The following NUBPL variants were observed in gnomAD, a reference collection of about 807,000 sequenced individuals.
NUBPL encodes NUBP iron-sulfur cluster assembly factor, mitochondrial, also known as iron-sulfur cluster transfer protein NUBPL.
A neutral mutation model predicts 45.7 loss-of-function variants in NUBPL; 31 were observed. The ratio of observed to expected loss-of-function variants is 0.68; its 90% confidence interval spans 0.51 to 0.92. The LOEUF is 0.92. Among genes scored for constraint, NUBPL ranks in the 40% least tolerant of loss-of-function variants. The pLI is 0.00. For synonymous variants in NUBPL, 144 were observed against 140.9 expected, an observed-to-expected ratio of 1.02 and a Z score of -0.15; for missense variants, 401 against 398.7, an observed-to-expected ratio of 1.01 and a Z score of -0.05.
At chr14:31,613,094 A>G (rs769185814) in intron 4 of NUBPL, among the ~76,000 whole-genome samples, 1 of 152,218 alleles carries the variant, frequency 6.6e-6, no homozygotes, top group Non-Finnish European at 1.5e-5. Context: ...CGTATACACA[A>G]TGGGTACTAG....
At chr14:31,708,949 C>G (rs2139917695) in intron 6 of NUBPL, among the ~76,000 whole-genome samples, 1 of 152,210 alleles carries the variant, frequency 6.6e-6, no homozygotes, top group South Asian at 2.1e-4. Flanking sequence ...ACTGATAAGC[C>G]CTACCGGGTG....
chr14:31,645,703 T>G (rs2035828701), intron 4 of NUBPL, among the ~76,000 whole-genome samples: 1 of 151,760 alleles, frequency 6.6e-6, no homozygotes, highest in African/African-American at 2.4e-5. Context: ...AGTGAGAGAT[T>G]ACAACCTGGG....
chr14:31,725,557 A>G (rs10132839), intron 6 of NUBPL, among the ~76,000 whole-genome samples: 12,714 of 152,180 alleles, frequency 0.084, 620 homozygotes, highest in African/African-American at 0.14. Context: ...CCTGAAGGCA[A>G]TTTTATACAT....
At chr14:31,713,384 AT>A (rs901487772) in intron 6 of NUBPL, among the ~76,000 whole-genome samples, 5 of 147,390 alleles carry the variant, frequency 3.4e-5, no homozygotes, top group Admixed American at 6.6e-5. Flanking sequence ...TGTACCTTTC[AT>A]TTTTTTCCTA....
chr14:31,686,976 T>C lies in NUBPL; in HGVS notation c.513+13402T>C, dbSNP rs115839606. Among the ~76,000 whole-genome samples, 1,438 of 152,308 alleles carry C rather than the reference T, an allele frequency of 9.4e-3. 26 individuals carry two copies. Among genetic ancestry groups the C allele is most frequent in the African/African-American group, 0.032 (1,348 of 41,556 alleles). ...ACAAAAAATAAAAAACAGCTGGGCA[T>C]GGTTGCATGTACCAGTAGTCTTGCT... is the stretch of plus-strand genomic sequence containing the variant. On this transcript the variant is annotated intron_variant, in intron 6 of 10. Coordinates refer to ENST00000281081, the MANE Select transcript of NUBPL (RefSeq NM_025152.3).
At chr14:31,828,056 C>T (rs201048503) in intron 8 of NUBPL, among the ~76,000 whole-genome samples, 131 of 152,286 alleles carry the variant, frequency 8.6e-4, no homozygotes, top group African/African-American at 3.0e-3. Flanking sequence ...GTATGCTTAC[C>T]TTCCAGGTGG....
intron 3 of NUBPL, among the ~76,000 whole-genome samples, chr14:31,573,333 G>A (rs917897460): frequency 3.3e-5 from 5 of 152,114 alleles, no homozygotes; most frequent in African/African-American, 1.2e-4. Flanking sequence ...TCTACCTAGT[G>A]ATCTCAGCTT....
intron 6 of NUBPL, among the ~76,000 whole-genome samples, chr14:31,752,960 C>A (rs1209694891): frequency 6.6e-6 from 1 of 152,104 alleles, no homozygotes; most frequent in Non-Finnish European, 1.5e-5. Flanking sequence ...ACTTTTTAAC[C>A]ATCAGATCTC....
chr14:31,822,878 A>T (rs1344898426), intron 7 of NUBPL, among the ~76,000 whole-genome samples: 1 of 152,166 alleles, frequency 6.6e-6, no homozygotes, highest in Non-Finnish European at 1.5e-5. Flanking sequence ...AATGGCATAG[A>T]TGCTTATTTG....
intron 6 of NUBPL, among the ~76,000 whole-genome samples, chr14:31,690,382 G>A (rs899554633): frequency 5.3e-5 from 8 of 152,294 alleles, no homozygotes; most frequent in African/African-American, 1.9e-4. Context: ...TACCAATAAG[G>A]TACTGCCTTT....
intron 6 of NUBPL, among the ~76,000 whole-genome samples, chr14:31,723,106 A>G (rs2037847854): frequency 6.6e-6 from 1 of 152,020 alleles, no homozygotes; most frequent in Non-Finnish European, 1.5e-5. Context: ...ATCCATCTTG[A>G]ACTGATTTTT....
intron 4 of NUBPL, among the ~76,000 whole-genome samples, chr14:31,602,013 G>T (rs1302048765): frequency 1.3e-5 from 2 of 152,186 alleles, no homozygotes; most frequent in African/African-American, 4.8e-5. Context: ...TGATAGACTG[G>T]ATTAAGAAAA....
chr14:31,692,955 T>C (rs1032679768), intron 6 of NUBPL, among the ~76,000 whole-genome samples: 15 of 152,210 alleles, frequency 9.9e-5, no homozygotes, highest in African/African-American at 3.1e-4. Context: ...CTTTTTTTTT[T>C]CCCTGCTTAA....
At chr14:31,599,242 G>C in intron 3 of NUBPL, 47 bp from the exon 4 acceptor site, 1 of 1,367,496 alleles carries the variant, frequency 7.3e-7, no homozygotes, top group Non-Finnish European at 1.0e-6. Context: ...CAATCTTATG[G>C]TAAAGTGTTT....
intron 7 of NUBPL, among the ~76,000 whole-genome samples, chr14:31,826,043 A>T (rs1031328898): frequency 3.3e-5 from 5 of 152,046 alleles, no homozygotes; most frequent in Admixed American, 6.6e-5. Context: ...TAACTAGCAC[A>T]TTATCTGAAT....
intron 3 of NUBPL, among the ~76,000 whole-genome samples, chr14:31,595,906 T>G (rs1479884960): frequency 1.9e-5 from 1 of 52,002 alleles, no homozygotes; most frequent in Non-Finnish European, 5.1e-5. Flanking sequence ...TGGACACTGA[T>G]TTTTTTTTTT....
intron 6 of NUBPL, among the ~76,000 whole-genome samples, chr14:31,705,792 G>A (rs1167303930): frequency 3.3e-5 from 5 of 152,116 alleles, no homozygotes; most frequent in African/African-American, 9.7e-5. Flanking sequence ...AATGGCAGTC[G>A]CCGTGGGACT....
intron 6 of NUBPL, among the ~76,000 whole-genome samples, chr14:31,759,722 G>A (rs779322781): frequency 4.0e-5 from 6 of 149,940 alleles, no homozygotes; most frequent in South Asian, 2.1e-4. Flanking sequence ...AATGATATGT[G>A]GTATAATAAA....
chr14:31,797,613 T>C (rs2039488104), intron 7 of NUBPL, among the ~76,000 whole-genome samples: 1 of 71,252 alleles, frequency 1.4e-5, no homozygotes. Context: ...CCTTTTATTT[T>C]GAGCCTATGT....
Sources: gnomAD v4.1 joint callset for allele counts (sites outside exome capture counted in the v4.1 genomes callset) on GRCh38, gnomAD v4.1.1 for gene constraint, MANE v1.5 for transcripts, NCBI Gene and HGNC (gene_info 2026-07-23, HGNC 2026-07-21) for gene names.